Variants in FAM210A observed in about 807,000 individuals in gnomAD.
FAM210A encodes the protein family with sequence similarity 210 member A.
A neutral mutation model predicts 25.3 loss-of-function variants in FAM210A; 13 were observed. The ratio of observed to expected loss-of-function variants is 0.51; its 90% CI spans 0.33 to 0.82. The LOEUF (loss-of-function observed/expected upper bound fraction) is 0.82. FAM210A is among the 40% of genes least tolerant of loss of function. The pLI, the probability that FAM210A is intolerant of heterozygous loss-of-function variation, is 0.02. For synonymous variants in FAM210A, 125 were observed against 118.7 expected, an observed-to-expected ratio of 1.05 and a Z score of -0.35; for missense variants, 319 against 323.2, an observed-to-expected ratio of 0.99 and a Z score of 0.10.
At chr18:13,695,594 C>T (rs942450983) in intron 1 of FAM210A, among the ~76,000 whole-genome samples, 4 of 151,950 alleles carry the variant, frequency 2.6e-5, no homozygotes, top group African/African-American at 9.7e-5. Flanking sequence ...AACCATCATT[C>T]TGAGTAAACT....
intron 1 of FAM210A, among the ~76,000 whole-genome samples, chr18:13,692,033 A>T (rs1024657794): frequency 6.8e-6 from 1 of 147,300 alleles, no homozygotes; most frequent in Non-Finnish European, 1.5e-5. Flanking sequence ...ACACACACAG[A>T]CTCAAAATAA....
At chr18:13,667,809 C>T (rs1322387015) in intron 3 of FAM210A, among the ~76,000 whole-genome samples, 1 of 152,178 alleles carries the variant, frequency 6.6e-6, no homozygotes, top group East Asian at 1.9e-4. Context: ...GTCGGGAGGG[C>T]TGCTTGAGCT....
At chr18:13,715,158 C>T (rs1284924146) in intron 1 of FAM210A, 4 of 151,944 alleles carry the variant, frequency 2.6e-5, no homozygotes, top group Non-Finnish European at 5.9e-5. Flanking sequence ...ACGTGTGATC[C>T]CACTACTGAT....
chr18:13,689,531 T>C (rs1329500400), intron 1 of FAM210A, among the ~76,000 whole-genome samples: 2 of 152,134 alleles, frequency 1.3e-5, no homozygotes, highest in African/African-American at 2.4e-5. Context: ...AACAAACCTA[T>C]TGCTAAACTC....
chr18:13,669,738 G>A (rs191881482), intron 3 of FAM210A, among the ~76,000 whole-genome samples: 2 of 152,192 alleles, frequency 1.3e-5, no homozygotes, highest in East Asian at 1.9e-4. Flanking sequence ...TCTTTGATTC[G>A]TTTATTCCCA....
chr18:13,694,170 G>T (rs2043673482), intron 1 of FAM210A, among the ~76,000 whole-genome samples: 1 of 152,184 alleles, frequency 6.6e-6, no homozygotes, highest in East Asian at 1.9e-4. Flanking sequence ...ACTTACAAGG[G>T]ATGTGAAGGA....
intron 1 of FAM210A, among the ~76,000 whole-genome samples, chr18:13,714,656 G>A (rs368573609): frequency 6.6e-6 from 1 of 152,200 alleles, no homozygotes; most frequent in East Asian, 1.9e-4. Flanking sequence ...CTTGGATTTT[G>A]TACACAGGAG....
At chr18:13,721,657 T>C (rs1004391725) in intron 1 of FAM210A, among the ~76,000 whole-genome samples, 1 of 152,170 alleles carries the variant, frequency 6.6e-6, no homozygotes, top group Non-Finnish European at 1.5e-5. Flanking sequence ...TTGCTGAGTA[T>C]GTCTATACCA....
At chr18:13,674,183 CTTCT>C (rs1301279378) in intron 2 of FAM210A, among the ~76,000 whole-genome samples, 91 of 148,800 alleles carry the variant, frequency 6.1e-4, no homozygotes, top group Non-Finnish European at 8.7e-4. Context: ...TGAGCCCTGG[CTTCT>C]TTATTTCCTG....
chr18:13,668,176 T>A (rs2043416096), intron 3 of FAM210A, among the ~76,000 whole-genome samples: 1 of 152,176 alleles, frequency 6.6e-6, no homozygotes, highest in African/African-American at 2.4e-5. Flanking sequence ...CACCCATACC[T>A]CTTCACCAAA....
At chr18:13,670,715 C>T (rs1601939166) in intron 3 of FAM210A, among the ~76,000 whole-genome samples, 1 of 152,072 alleles carries the variant, frequency 6.6e-6, no homozygotes, top group South Asian at 2.1e-4. Context: ...GCTGTCAGGC[C>T]GGCTGCAGTG....
At chr18:13,705,974 T>C (rs2043775165) in intron 1 of FAM210A, among the ~76,000 whole-genome samples, 1 of 152,244 alleles carries the variant, frequency 6.6e-6, no homozygotes, top group Admixed American at 6.5e-5. Flanking sequence ...TAACACTAAG[T>C]TATTATGCCA....
At chr18:13,712,349 G>A (rs1355745455) in intron 1 of FAM210A, among the ~76,000 whole-genome samples, 1 of 152,170 alleles carries the variant, frequency 6.6e-6, no homozygotes, top group African/African-American at 2.4e-5. Flanking sequence ...AGAACTTAAA[G>A]AGAAAAGCAT....
chr18:13,692,323 C>G (rs2149061576), intron 1 of FAM210A, among the ~76,000 whole-genome samples: 1 of 152,202 alleles, frequency 6.6e-6, no homozygotes, highest in African/African-American at 2.4e-5. Context: ...ACCCCACTGT[C>G]AACATTAGAC....
At chr18:13,719,343 C>T (rs1169742247) in intron 1 of FAM210A, among the ~76,000 whole-genome samples, 2 of 152,162 alleles carry the variant, frequency 1.3e-5, no homozygotes, top group South Asian at 2.1e-4. Flanking sequence ...CAATTTATCA[C>T]GTCCAAGAAG....
Position 13,665,381 on chromosome 18 carries a change from C to T in FAM210A, c.*1099G>A, listed in dbSNP as rs1271138558. ...GGAGAGAGAGAGGGAGGCTCCGTCT[C>T]AAAAAAAAAAAAAAAAAAAAAAAAA... is the stretch of plus-strand genomic sequence containing the variant. On this transcript the variant is annotated 3_prime_UTR_variant, in exon 4 of 4. Coordinates refer to ENST00000651643, the MANE Select transcript of FAM210A (RefSeq NM_152352.4). 1.6e-5 allele frequency: 1 copy of T among 63,704 alleles called. No homozygotes were observed. Among genetic ancestry groups the T allele is most frequent in the East Asian group, 4.4e-4 (1 of 2,272 alleles). 3.9% of individuals were successfully genotyped at this position (63,704 alleles called of 1,614,324 possible).
At chr18:13,716,488 T>C (rs922067669) in intron 1 of FAM210A, among the ~76,000 whole-genome samples, 1 of 152,186 alleles carries the variant, frequency 6.6e-6, no homozygotes, top group Non-Finnish European at 1.5e-5. Context: ...TAATTCTCTC[T>C]CCTAAACTGG....
chr18:13,670,100 AC>A (rs2043429769), intron 3 of FAM210A, among the ~76,000 whole-genome samples: 1 of 152,074 alleles, frequency 6.6e-6, no homozygotes, highest in Non-Finnish European at 1.5e-5. Context: ...CATTTTATTC[AC>A]CTACAGAACA....
intron 3 of FAM210A, among the ~76,000 whole-genome samples, chr18:13,669,171 T>C (rs559658680): frequency 2.6e-5 from 4 of 152,150 alleles, no homozygotes; most frequent in Non-Finnish European, 5.9e-5. Flanking sequence ...CTGGCCACTA[T>C]TGCCTCTCAA....
Sources: allele counts gnomAD v4.1 joint callset (sites outside exome capture counted in the v4.1 genomes callset), GRCh38; gene constraint gnomAD v4.1.1; transcripts MANE v1.5; gene names NCBI Gene and HGNC (gene_info 2026-07-23, HGNC 2026-07-21).